Variants in SUGCT observed in about 807,000 individuals in gnomAD.
SUGCT encodes the protein succinyl-CoA:glutarate-CoA transferase, also known as succinyl-CoA:glutarate CoA-transferase.
In SUGCT, 41 loss-of-function variants were observed where a neutral mutation model predicts 55.0. That is an observed-to-expected ratio of 0.74 (90% CI 0.58 to 0.97). The LOEUF is 0.97. Among genes scored for constraint, SUGCT ranks in the 50% least tolerant of loss-of-function variants. The pLI is 0.00. For missense variants in SUGCT, 568 were observed against 547.8 expected (o/e 1.04, Z -0.37); for synonymous variants, 187 against 200.4 (o/e 0.93, Z 0.56).
chr7:40,473,299 G>T (rs1209908899), intron 11 of SUGCT, among the ~76,000 whole-genome samples: 1 of 152,156 alleles, frequency 6.6e-6, no homozygotes, highest in Admixed American at 6.5e-5. Flanking sequence ...CTGTACATTT[G>T]AGAAATGTCA....
intron 12 of SUGCT, among the ~76,000 whole-genome samples, chr7:40,540,699 G>A (rs1353087216): frequency 6.6e-6 from 1 of 152,260 alleles, no homozygotes; most frequent in African/African-American, 2.4e-5. Flanking sequence ...CTGCCAGGCT[G>A]ACTTCCATTT....
chr7:40,415,641 T>A (rs994854564), intron 9 of SUGCT, among the ~76,000 whole-genome samples: 4 of 152,100 alleles, frequency 2.6e-5, no homozygotes, highest in Middle Eastern at 3.2e-3. Context: ...TTTTTACTTA[T>A]TTTCACATTT....
chr7:40,217,568 C>T (rs945280222), intron 6 of SUGCT: 1 of 310,744 alleles, frequency 3.2e-6, no homozygotes, highest in Non-Finnish European at 6.6e-6. Context: ...CCTCAGGTAT[C>T]AAAGCATCCC....
chr7:40,519,433 T>C (rs745553492), intron 12 of SUGCT, among the ~76,000 whole-genome samples: 2 of 151,972 alleles, frequency 1.3e-5, no homozygotes, highest in Non-Finnish European at 2.9e-5. Context: ...TAGGAACCCT[T>C]TGTAGTATGT....
intron 13 of SUGCT, among the ~76,000 whole-genome samples, chr7:40,771,822 C>G (rs1033266874): frequency 1.3e-5 from 2 of 152,112 alleles, no homozygotes; most frequent in African/African-American, 4.8e-5. Flanking sequence ...AGTAGCTATT[C>G]ACTGAGACTA....
At chr7:40,662,684 A>G (rs1801392300) in intron 12 of SUGCT, among the ~76,000 whole-genome samples, 1 of 152,212 alleles carries the variant, frequency 6.6e-6, no homozygotes, top group African/African-American at 2.4e-5. Context: ...TGCCTCCTCA[A>G]GAAATCTTGC....
chr7:40,494,137 C>A (rs936962629), intron 11 of SUGCT, among the ~76,000 whole-genome samples: 1 of 152,196 alleles, frequency 6.6e-6, no homozygotes, highest in Non-Finnish European at 1.5e-5. Context: ...TGTTGGCTAA[C>A]CTGCAGCCAT....
intron 11 of SUGCT, among the ~76,000 whole-genome samples, chr7:40,483,045 A>G (rs890642481): frequency 2.0e-5 from 3 of 152,190 alleles, no homozygotes; most frequent in African/African-American, 7.2e-5. Flanking sequence ...GATAATTCCT[A>G]AGAGGAAATA....
intron 12 of SUGCT, among the ~76,000 whole-genome samples, chr7:40,714,735 T>A (rs1785923745): frequency 6.6e-6 from 1 of 152,224 alleles, no homozygotes; most frequent in South Asian, 2.1e-4. Flanking sequence ...TAGACATTTT[T>A]AAAGCTGATT....
At chr7:40,605,389 C>T (rs1056518915) in intron 12 of SUGCT, among the ~76,000 whole-genome samples, 1 of 152,180 alleles carries the variant, frequency 6.6e-6, no homozygotes, top group Non-Finnish European at 1.5e-5. Flanking sequence ...TCACTCTTTC[C>T]ACTCAAGATA....
the SUGCT span, among the ~76,000 whole-genome samples, chr7:40,910,078 T>C: frequency 3.3e-5 from 5 of 151,906 alleles, no homozygotes; most frequent in Non-Finnish European, 7.4e-5. Context: ...TTGACCTAGA[T>C]GTAGGATTTG....
chr7:40,256,290 T>C (rs1465204083), intron 7 of SUGCT, among the ~76,000 whole-genome samples: 1 of 152,160 alleles, frequency 6.6e-6, no homozygotes, highest in African/African-American at 2.4e-5. Flanking sequence ...CTGTTCCTTG[T>C]TTTCAGTTCC....
At chr7:40,667,374 C>CT (rs1403486708) in intron 12 of SUGCT, among the ~76,000 whole-genome samples, 1 of 151,972 alleles carries the variant, frequency 6.6e-6, no homozygotes, top group Non-Finnish European at 1.5e-5. Flanking sequence ...ATCTTTGTGT[C>CT]TATGTTCATC....
chr7:40,454,386 A>G (rs1789358418), intron 10 of SUGCT, among the ~76,000 whole-genome samples: 1 of 152,216 alleles, frequency 6.6e-6, no homozygotes, highest in African/African-American at 2.4e-5. Context: ...GTCCTTTAAG[A>G]ACAGGTGTAT....
At chr7:40,840,473 C>A (rs1279982827) in intron 13 of SUGCT, among the ~76,000 whole-genome samples, 99 of 124,804 alleles carry the variant, frequency 7.9e-4, no homozygotes, top group South Asian at 1.5e-3. Flanking sequence ...GAGGAAGACT[C>A]AAAAAAAAAA....
At chr7:40,517,255 AGGAT>A (rs1793293354) in intron 12 of SUGCT, among the ~76,000 whole-genome samples, 1 of 150,028 alleles carries the variant, frequency 6.7e-6, no homozygotes, top group Admixed American at 6.6e-5. Flanking sequence ...TGAATTCCTT[AGGAT>A]TTTTTAAATG....
At chr7:40,723,858 G>A (rs908808442) in intron 12 of SUGCT, among the ~76,000 whole-genome samples, 1 of 152,110 alleles carries the variant, frequency 6.6e-6, no homozygotes, top group African/African-American at 2.4e-5. Context: ...ATGGGATCTC[G>A]TTCACCTCTA....
intron 5 of SUGCT, among the ~76,000 whole-genome samples, chr7:40,193,394 C>G (rs1015822177): frequency 1.4e-5 from 2 of 145,484 alleles, no homozygotes; most frequent in African/African-American, 5.1e-5. Flanking sequence ...AAGTGATTCT[C>G]CTGCCTCAGC....
chr7:40,989,123 A>G, the SUGCT span, among the ~76,000 whole-genome samples: 9 of 152,328 alleles, frequency 5.9e-5, no homozygotes, highest in East Asian at 1.7e-3. Flanking sequence ...AAAAATACTC[A>G]AGATCATTTG....
Sources: allele counts gnomAD v4.1 joint callset (sites outside exome capture counted in the v4.1 genomes callset), GRCh38; gene constraint gnomAD v4.1.1; transcripts MANE v1.5; gene names NCBI Gene and HGNC (gene_info 2026-07-23, HGNC 2026-07-21).